The following MGAT4C variants were observed in gnomAD, a reference collection of about 807,000 sequenced individuals.
MGAT4C encodes alpha-1,3-mannosyl-glycoprotein 4-beta-N-acetylglucosaminyltransferase C.
In MGAT4C, 19 loss-of-function variants were observed where a neutral mutation model predicts 40.1. The observed-to-expected ratio is 0.47, with a 90% confidence interval of 0.33 to 0.70. The LOEUF is 0.70. Among genes scored for constraint, MGAT4C ranks in the 30% least tolerant of loss-of-function variants. The pLI is 0.02. For synonymous variants in MGAT4C, 181 were observed against 187.1 expected (o/e 0.97, Z 0.27); for missense variants, 491 against 563.2 (o/e 0.87, Z 1.30).
At chr12:86,278,951 A>G (rs971164612) in intron 4 of MGAT4C, among the ~76,000 whole-genome samples, 1 of 49,002 alleles carries the variant, frequency 2.0e-5, no homozygotes, top group African/African-American at 5.3e-5. Flanking sequence ...TTTGTCCTTC[A>G]GTCAGTTGAT....
rs143284678 is a variant in MGAT4C at position 86,565,789 on chromosome 12, G to A, written c.-228-130524C>T. On this transcript the variant is annotated intron_variant, in intron 2 of 7. Coordinates refer to the MGAT4C transcript ENST00000548651. The stretch of plus-strand genomic sequence containing the variant: ...AGAGGAGAATTTTAATAATCAAATG[G>A]ATAGGATGACTTGTTCTGTGGACAC... Among the ~76,000 whole-genome samples the A allele has an allele frequency of 5.1e-3, 776 of 152,294 alleles. 2 individuals are homozygous for A. The highest frequency in any genetic ancestry group is 7.9e-3 in the Non-Finnish European group (537 of 68,028).
At chr12:86,063,663 A>G (rs1460918499) in intron 1 of MGAT4C, among the ~76,000 whole-genome samples, 3 of 152,224 alleles carry the variant, frequency 2.0e-5, no homozygotes, top group African/African-American at 7.2e-5. Context: ...CCCATCTCAC[A>G]TGCAAAGACA....
chr12:86,639,273 A>C lies in MGAT4C; in HGVS notation c.-229+87936T>G, dbSNP rs994899339. On this transcript the variant is annotated intron_variant, in intron 2 of 7. Coordinates refer to the MGAT4C transcript ENST00000548651. ...TATTTGTCTCTGTGTATTGATTTAC[A>C]TTTTACATCAGGCAATCTATTCTTT... Among the ~76,000 whole-genome samples the C allele has an allele frequency of 2.0e-5, 3 of 151,754 alleles. No individual in the cohort carries two copies. In the East Asian group the frequency reaches 5.8e-4, roughly 29 times the overall value.
intron 1 of MGAT4C, among the ~76,000 whole-genome samples, chr12:86,767,768 C>T (rs1190753413): frequency 2.0e-5 from 3 of 152,166 alleles, no homozygotes; most frequent in Non-Finnish European, 4.4e-5. Flanking sequence ...ACAAAAACCA[C>T]ATGATTATCT....
chr12:86,337,619 A>G (rs1327374926), intron 3 of MGAT4C, among the ~76,000 whole-genome samples: 2 of 151,780 alleles, frequency 1.3e-5, no homozygotes, highest in Non-Finnish European at 2.9e-5. Context: ...TGGGAAGTGA[A>G]TGTTATAATT....
At chr12:86,670,946 A>G (rs1047418123) in intron 2 of MGAT4C, among the ~76,000 whole-genome samples, 3 of 152,182 alleles carry the variant, frequency 2.0e-5, no homozygotes, top group Admixed American at 6.5e-5. Context: ...ACTTCATTCT[A>G]TTTATACCAT....
chr12:86,799,323 T>C (rs1030644875), intron 1 of MGAT4C, among the ~76,000 whole-genome samples: 2 of 151,770 alleles, frequency 1.3e-5, no homozygotes, highest in Non-Finnish European at 2.9e-5. Context: ...CTATTTTCTC[T>C]AGGTTTTCAT....
intron 3 of MGAT4C, among the ~76,000 whole-genome samples, chr12:86,428,302 G>T (rs1592835424): frequency 1.3e-5 from 2 of 152,264 alleles, no homozygotes; most frequent in South Asian, 2.1e-4. Context: ...AGTAGGGTTT[G>T]AACTAAGCCT....
At chr12:86,556,486 G>A (rs147480451) in intron 2 of MGAT4C, among the ~76,000 whole-genome samples, 118 of 152,006 alleles carry the variant, frequency 7.8e-4, no homozygotes, top group African/African-American at 2.7e-3. Flanking sequence ...CCTAAAGACT[G>A]GAAAGATAGT....
At chr12:86,557,792 A>G (rs1455704169) in intron 2 of MGAT4C, among the ~76,000 whole-genome samples, 1 of 152,224 alleles carries the variant, frequency 6.6e-6, no homozygotes, top group Non-Finnish European at 1.5e-5. Context: ...ATTGGTATCA[A>G]CATAAGGACA....
rs149918520 is a variant in MGAT4C at position 86,736,474 on chromosome 12, C to T, written c.-261-9233G>A. ...ACTTCCTTAAATGCAACATTGTTTC[C>T]TATCTTATTTGTATAGTATATTAAC... On this transcript the variant is annotated intron_variant, in intron 1 of 7. Coordinates refer to the MGAT4C transcript ENST00000548651. 3.5e-3 allele frequency among the ~76,000 whole-genome samples: 530 copies of T among 151,712 alleles called. 1 individual carries two copies. Among genetic ancestry groups the T allele is most frequent in the Non-Finnish European group, 5.2e-3 (354 of 67,788 alleles).
chr12:86,081,159 AACAAT>A (rs1870770621), intron 1 of MGAT4C, among the ~76,000 whole-genome samples: 1 of 152,178 alleles, frequency 6.6e-6, no homozygotes, highest in Admixed American at 6.6e-5. Context: ...TGGATAATAA[AACAAT>A]AGTAGTGAAA....
chr12:86,689,628 G>T (rs1489261861), intron 2 of MGAT4C, among the ~76,000 whole-genome samples: 1 of 152,112 alleles, frequency 6.6e-6, no homozygotes, highest in African/African-American at 2.4e-5. Context: ...TTTTGCCTGG[G>T]TATCACCAGC....
chr12:86,588,317 T>C (rs1961158444), intron 2 of MGAT4C, among the ~76,000 whole-genome samples: 1 of 151,932 alleles, frequency 6.6e-6, no homozygotes, highest in Non-Finnish European at 1.5e-5. Flanking sequence ...GGCCATTACA[T>C]AATGGTAAAG....
intron 2 of MGAT4C, among the ~76,000 whole-genome samples, chr12:86,021,506 C>T (rs1889725894): frequency 1.4e-5 from 2 of 146,354 alleles, no homozygotes; most frequent in South Asian, 4.3e-4. Context: ...CCAAACACCG[C>T]ATGTTCTTAC....
At chr12:86,081,595 G>A (rs556376837) in intron 1 of MGAT4C, among the ~76,000 whole-genome samples, 1 of 152,170 alleles carries the variant, frequency 6.6e-6, no homozygotes, top group South Asian at 2.1e-4. Context: ...TTGGAACATA[G>A]AATGGAGAAT....
chr12:86,205,545 G>T (rs1950218250), intron 1 of MGAT4C, among the ~76,000 whole-genome samples: 1 of 151,478 alleles, frequency 6.6e-6, no homozygotes, highest in African/African-American at 2.4e-5. Flanking sequence ...ATTGTAACCA[G>T]AAATTAGATA....
chr12:86,134,637 G>T (rs1213449574), intron 1 of MGAT4C, among the ~76,000 whole-genome samples: 3 of 152,000 alleles, frequency 2.0e-5, no homozygotes, highest in African/African-American at 7.2e-5. Context: ...TGTAGTTACA[G>T]CTTGTCCTTT....
At chr12:86,387,879 G>C (rs1272071698) in intron 3 of MGAT4C, among the ~76,000 whole-genome samples, 1 of 152,124 alleles carries the variant, frequency 6.6e-6, no homozygotes, top group Non-Finnish European at 1.5e-5. Flanking sequence ...ATAATTTGAT[G>C]AATGTGTATA....
Sources: allele counts gnomAD v4.1 joint callset (sites outside exome capture counted in the v4.1 genomes callset), GRCh38; gene constraint gnomAD v4.1.1; transcripts MANE v1.5; gene names NCBI Gene and HGNC (gene_info 2026-07-23, HGNC 2026-07-21).